The following THBS2 variants were observed in gnomAD, a reference collection of about 807,000 sequenced individuals.
The protein encoded by THBS2 is thrombospondin-2.
THBS2 carries 47 observed loss-of-function variants against 135.2 expected under a neutral mutation model. That is an observed-to-expected ratio of 0.35 (90% confidence interval 0.28 to 0.44). THBS2 has a LOEUF of 0.44. THBS2 is among the 20% of genes least tolerant of loss of function. The pLI is 1.00. For synonymous variants in THBS2, 639 were observed against 633.8 expected (o/e 1.01, Z -0.12); for missense variants, 1,288 against 1,603.1 (o/e 0.80, Z 3.36).
intron 12 of THBS2, 132 bp from the exon 13 acceptor site, chr6:169,232,330 G>T: frequency 9.8e-7 from 1 of 1,025,244 alleles, no homozygotes; most frequent in Non-Finnish European, 1.4e-6. Context: ...AGTGGGAAGG[G>T]CTTTCTGGAC....
chr6:169,218,747 AGATGGATG>A (rs148966325), intron 21 of THBS2, among the ~76,000 whole-genome samples: 1 of 100,088 alleles, frequency 1.0e-5, no homozygotes, highest in African/African-American at 4.0e-5. Context: ...TGGGTGGATG[AGATGGATG>A]GATGGGTGGG....
At chr6:169,229,764 G>C in intron 13 of THBS2, 85 bp from the exon 14 acceptor site, 1 of 1,148,194 alleles carries the variant, frequency 8.7e-7, no homozygotes, top group Non-Finnish European at 1.3e-6. Flanking sequence ...AACCAGCATG[G>C]CGCCGAGGAA....
intron 17 of THBS2, 102 bp downstream of exon 17, chr6:169,225,043 C>T: frequency 3.4e-6 from 4 of 1,187,746 alleles, no homozygotes; most frequent in Admixed American, 1.9e-5. Context: ...GCCCTTTTTC[C>T]AGCAGCAGAT....
chr6:169,243,740 G>A (rs1295925188), intron 4 of THBS2, among the ~76,000 whole-genome samples: 1 of 152,162 alleles, frequency 6.6e-6, no homozygotes, highest in African/African-American at 2.4e-5. Flanking sequence ...ACAAAAGACC[G>A]CATATATCTT....
In THBS2 at chr6:169,226,192, G is replaced by C. The variant is rs1263893840; in HGVS notation, c.2526C>G (p.His842Gln). The C allele has an allele frequency of 6.2e-7, 1 of 1,613,354 alleles. No individual in the cohort carries two copies. The highest frequency in any genetic ancestry group is 1.3e-5 in the African/African-American group (1 of 74,782). ...CGGCTGCCCTCACCTGGTCAGGGTT[G>C]TGCACCAGGGGGCAGTTGTCACAGT... is the stretch of plus-strand genomic sequence containing the variant. ...GDHCDNCPLV[H>Q]NPDQTDVDND... Residue 842 changes from histidine to glutamine, a missense_variant, in exon 16 of 22, where the codon CAC becomes CAG. His to Gln is a conservative substitution (Grantham distance 24). Around this residue, in one of 2 missense-constraint regions of THBS2, gnomAD observed 874 missense variants for 1,156.1 expected, o/e 0.76. Coordinates refer to ENST00000617924, the MANE Select transcript of THBS2 (RefSeq NM_003247.5).
At chr6:169,235,141 C>A (rs1046576388) in intron 9 of THBS2, among the ~76,000 whole-genome samples, 1 of 152,078 alleles carries the variant, frequency 6.6e-6, no homozygotes, top group South Asian at 2.1e-4. Flanking sequence ...GGCTTTGCTG[C>A]GATCTCTTGG....
chr6:169,242,090 T>G (rs1264369832), intron 4 of THBS2, 132 bp from the exon 5 acceptor site: 1 of 1,033,536 alleles, frequency 9.7e-7, no homozygotes, highest in Non-Finnish European at 1.4e-6. Context: ...GGCGGAGGAC[T>G]GGGCCAGCAG....
chr6:169,246,277 A>C lies in THBS2; in HGVS notation c.614T>G (p.Leu205Trp), dbSNP rs768011023. The C allele has an allele frequency of 1.2e-6, 2 of 1,613,712 alleles. No homozygotes were observed. The highest frequency in any genetic ancestry group is 1.7e-6 in the Non-Finnish European group (2 of 1,179,804). The change falls in exon 4 of 22, where the codon TTG becomes TGG. Residue 205 changes from leucine (L) to tryptophan (W), a missense_variant. By Grantham distance (61) the Leu-to-Trp change is moderately conservative. Around this residue, in one of 2 missense-constraint regions of THBS2, gnomAD observed 414 missense variants for 447.0 expected, o/e 0.93. Coordinates refer to ENST00000617924, the MANE Select transcript of THBS2 (RefSeq NM_003247.5). Reference protein sequence around the residue: ...GSARESHFRGLLQNVHLVFEN... With the variant: ...GSARESHFRGWLQNVHLVFEN... ...AAACACTAGGTGGACGTTCTGAAGC[A>C]AACCCTGTAAGTATACACAAGCAGA... is the stretch of plus-strand genomic sequence containing the variant.
At chr6:169,242,148 G>A (rs62435217) in intron 4 of THBS2, among the ~76,000 whole-genome samples, 190 bp from the exon 5 acceptor site, 21,579 of 152,112 alleles carry the variant, frequency 0.14, 1,684 homozygotes, top group East Asian at 0.25. Flanking sequence ...CTCCCAGAGT[G>A]GCCTGGTGCT....
At chr6:169,233,479 C>T (rs887737145) in intron 10 of THBS2, among the ~76,000 whole-genome samples, 1 of 151,866 alleles carries the variant, frequency 6.6e-6, no homozygotes, top group African/African-American at 2.4e-5. Context: ...CCAGACCACA[C>T]AACTGCCCAT....
chr6:169,220,094 T>C, intron 21 of THBS2, 104 bp downstream of exon 21: 2 of 1,410,368 alleles, frequency 1.4e-6, no homozygotes, highest in Non-Finnish European at 1.9e-6. Flanking sequence ...TTAGGTTTAT[T>C]GCCCTGATGT....
chr6:169,228,417 G>GCTGGA (rs1403416415), intron 14 of THBS2, 136 bp from the exon 15 acceptor site: 5 of 1,114,854 alleles, frequency 4.5e-6, no homozygotes, highest in Non-Finnish European at 6.3e-6. Flanking sequence ...GCCAGTTAGG[G>GCTGGA]CTGGACGGTG....
At chr6:169,231,955 G>C (rs1779851735) in intron 13 of THBS2, 25 bp downstream of exon 13, 2 of 1,610,986 alleles carry the variant, frequency 1.2e-6, no homozygotes, top group Non-Finnish European at 1.7e-6. Flanking sequence ...GTGGCCCCGT[G>C]TGCCCTGCGA....
intron 14 of THBS2, among the ~76,000 whole-genome samples, chr6:169,228,911 A>G (rs1779733306): frequency 6.8e-6 from 1 of 147,752 alleles, no homozygotes; most frequent in South Asian, 2.1e-4. Context: ...GCGACCAAAA[A>G]AAAAAAAAAA....
chr6:169,227,294 C>T (rs1342043988), intron 15 of THBS2, among the ~76,000 whole-genome samples: 1 of 152,234 alleles, frequency 6.6e-6, no homozygotes, highest in East Asian at 1.9e-4. Context: ...CAGAAGCACT[C>T]GCCTGGTCTC....
chr6:169,223,127 G>A, intron 18 of THBS2, 121 bp downstream of exon 18: 1 of 875,450 alleles, frequency 1.1e-6, no homozygotes, highest in Non-Finnish European at 1.7e-6. Flanking sequence ...ATGGAAGGAT[G>A]GGGGCTTCCA....
intron 4 of THBS2, among the ~76,000 whole-genome samples, chr6:169,243,166 C>G (rs1311352099): frequency 6.8e-6 from 1 of 147,076 alleles, no homozygotes; most frequent in Non-Finnish European, 1.5e-5. Context: ...TCCCACATTC[C>G]CACCTCTCCC....
At chr6:169,235,773 TCCC>T (rs556730715) in intron 9 of THBS2, among the ~76,000 whole-genome samples, 54 of 114,292 alleles carry the variant, frequency 4.7e-4, no homozygotes, top group African/African-American at 1.9e-3. Context: ...TACAACTCAC[TCCC>T]CCATTCACAC....
In THBS2 at chr6:169,217,286, T is replaced by TAA. The variant is rs1447363947; in HGVS notation, c.*534_*535dup. 1 of 152,940 alleles carries TAA rather than the reference T, an allele frequency of 6.5e-6. No individual in the cohort carries two copies. Among genetic ancestry groups the TAA allele is most frequent in the Admixed American group, 6.5e-5 (1 of 15,354 alleles). 9.5% of individuals were successfully genotyped at this position (152,940 alleles called of 1,614,324 possible). ...CTGTTGTCTTCTAATCTCTCCTTAC[T>TAA]AAAACATTACTTCAAATTTGAATTG... is the stretch of plus-strand genomic sequence containing the variant. On this transcript the variant is annotated 3_prime_UTR_variant, in exon 22 of 22. Transcript: ENST00000617924.
Sources: allele counts gnomAD v4.1 joint callset (sites outside exome capture counted in the v4.1 genomes callset), GRCh38; gene constraint gnomAD v4.1.1; regional missense constraint gnomAD v4.1.1; transcripts MANE v1.5; gene names NCBI Gene and HGNC (gene_info 2026-07-23, HGNC 2026-07-21).